The following MIPOL1 variants were observed in gnomAD, a reference collection of about 807,000 sequenced individuals.
MIPOL1 encodes mirror-image polydactyly 1, also known as mirror-image polydactyly gene 1 protein.
MIPOL1 carries 57 observed loss-of-function variants against 60.9 expected under a neutral mutation model. The observed-to-expected ratio is 0.94, with a 90% CI of 0.76 to 1.17. MIPOL1 has a LOEUF of 1.17. Ranked by LOEUF, MIPOL1 falls within the 50% of genes most tolerant of loss-of-function variation. MIPOL1 has a pLI of 0.00. For missense variants in MIPOL1, 551 were observed against 511.6 expected, an observed-to-expected ratio of 1.08 and a Z score of -0.74; for synonymous variants, 179 against 168.8, an observed-to-expected ratio of 1.06 and a Z score of -0.47.
intron 10 of MIPOL1, among the ~76,000 whole-genome samples, chr14:37,399,400 A>G (rs2153528440): frequency 6.6e-6 from 1 of 152,258 alleles, no homozygotes; most frequent in African/African-American, 2.4e-5. Context: ...TACAGTGTAC[A>G]GTATATTCTG....
intron 9 of MIPOL1, among the ~76,000 whole-genome samples, chr14:37,366,319 TTTGCTGTATCC>T (rs2092469536): frequency 6.6e-6 from 1 of 152,042 alleles, no homozygotes; most frequent in Non-Finnish European, 1.5e-5. Context: ...TAGTACTACT[TTTGCTGTATCC>T]TGTAGTCAAT....
intron 9 of MIPOL1, among the ~76,000 whole-genome samples, chr14:37,337,504 G>A (rs1223620454): frequency 6.7e-6 from 1 of 149,692 alleles, no homozygotes. Flanking sequence ...GAGTTGCTAG[G>A]ATTACAGGTG....
At chr14:37,214,252 A>T (rs1967200097) in intron 1 of MIPOL1, among the ~76,000 whole-genome samples, 1 of 152,226 alleles carries the variant, frequency 6.6e-6, no homozygotes, top group African/African-American at 2.4e-5. Flanking sequence ...CCAACAAAAA[A>T]GTAGTAACTT....
chr14:37,212,580 T>G (rs78378457), intron 1 of MIPOL1, among the ~76,000 whole-genome samples: 1 of 152,026 alleles, frequency 6.6e-6, no homozygotes, highest in Non-Finnish European at 1.5e-5. Context: ...CTTGCCGCAT[T>G]TTTTACTCTA....
chr14:37,508,965 C>A (rs1307558520), intron 12 of MIPOL1, among the ~76,000 whole-genome samples: 2 of 152,036 alleles, frequency 1.3e-5, no homozygotes, highest in Non-Finnish European at 2.9e-5. Context: ...GATTCTGTAG[C>A]ACCATTTTTT....
intron 10 of MIPOL1, among the ~76,000 whole-genome samples, chr14:37,394,057 C>CATATATAT (rs56361320): frequency 0.045 from 3,269 of 73,066 alleles, 261 homozygotes; most frequent in East Asian, 0.097. Context: ...TTAGTAGTGG[C>CATATATAT]ATATATATAT....
chr14:37,420,807 A>G (rs1379405910), intron 10 of MIPOL1, among the ~76,000 whole-genome samples: 1 of 152,170 alleles, frequency 6.6e-6, no homozygotes. Context: ...CCTGGATCTT[A>G]TACCCGAGGT....
At chr14:37,413,444 C>T (rs943204599) in intron 10 of MIPOL1, among the ~76,000 whole-genome samples, 2 of 152,160 alleles carry the variant, frequency 1.3e-5, no homozygotes, top group African/African-American at 2.4e-5. Flanking sequence ...TTTAATCTTT[C>T]CTACACTCCC....
intron 7 of MIPOL1, among the ~76,000 whole-genome samples, chr14:37,292,212 G>A (rs1054459627): frequency 1.3e-5 from 2 of 151,630 alleles, no homozygotes; most frequent in South Asian, 2.1e-4. Context: ...GGTGTGAAGC[G>A]AAGCCACCAC....
intron 9 of MIPOL1, among the ~76,000 whole-genome samples, chr14:37,337,121 GCTTCTTAAATGGTTT>G: frequency 6.6e-6 from 1 of 151,444 alleles, no homozygotes; most frequent in South Asian, 2.1e-4. Context: ...GGTTGCTGTG[GCTTCTTAAATGGTTT>G]CTAGAATTCC....
At chr14:37,461,749 C>A (rs1024632860) in intron 11 of MIPOL1, among the ~76,000 whole-genome samples, 1 of 152,190 alleles carries the variant, frequency 6.6e-6, no homozygotes, top group Non-Finnish European at 1.5e-5. Context: ...GAGGCAGTCA[C>A]ATCTTAAAGC....
In MIPOL1 at chr14:37,434,010, T is replaced by G. The variant is rs145553029; in HGVS notation, c.1031+11061T>G. Among the ~76,000 whole-genome samples, 206 of 152,358 alleles carry G rather than the reference T, an allele frequency of 1.4e-3. 4 individuals are homozygous for G. Among genetic ancestry groups the G allele is most frequent in the African/African-American group, 4.7e-3 (195 of 41,580 alleles). On this transcript the variant is annotated intron_variant, in intron 11 of 12. Transcript: ENST00000684589. ...ATAAACATACGTGTGCATGTGTCTT[T>G]ATCATAAAATGATTTATAATCCTTT...
chr14:37,298,376 A>C (rs1404083339), intron 7 of MIPOL1, among the ~76,000 whole-genome samples: 2 of 152,216 alleles, frequency 1.3e-5, no homozygotes, highest in Non-Finnish European at 2.9e-5. Context: ...AATACCATTC[A>C]GGACATTGGC....
intron 1 of MIPOL1, among the ~76,000 whole-genome samples, chr14:37,239,290 C>A (rs2153341031): frequency 6.6e-6 from 1 of 152,138 alleles, no homozygotes; most frequent in South Asian, 2.1e-4. Flanking sequence ...TGTGATCCAC[C>A]CACCTCAGCC....
At chr14:37,534,866 C>A (rs2095498855) in intron 12 of MIPOL1, among the ~76,000 whole-genome samples, 1 of 152,116 alleles carries the variant, frequency 6.6e-6, no homozygotes, top group Non-Finnish European at 1.5e-5. Context: ...ATCTAACTTA[C>A]AAAGCCTTAA....
At chr14:37,374,367 G>A (rs1414334421) in intron 10 of MIPOL1, among the ~76,000 whole-genome samples, 6 of 152,016 alleles carry the variant, frequency 3.9e-5, no homozygotes, top group Admixed American at 2.0e-4. Flanking sequence ...TTCTTTTGCC[G>A]TGCAGAAGCT....
intron 10 of MIPOL1, among the ~76,000 whole-genome samples, chr14:37,390,791 A>G (rs1268890879): frequency 6.6e-6 from 1 of 151,974 alleles, no homozygotes; most frequent in African/African-American, 2.4e-5. Flanking sequence ...ATGAAACTCA[A>G]AACAGTACAA....
intron 9 of MIPOL1, among the ~76,000 whole-genome samples, chr14:37,315,204 T>C (rs923688109): frequency 6.6e-6 from 1 of 152,158 alleles, no homozygotes; most frequent in Non-Finnish European, 1.5e-5. Context: ...TGCAGAGAGC[T>C]ATGGAAAGAG....
At chr14:37,403,432 CTT>C (rs11415779) in intron 10 of MIPOL1, among the ~76,000 whole-genome samples, 5 of 94,128 alleles carry the variant, frequency 5.3e-5, no homozygotes, top group African/African-American at 2.1e-4. Flanking sequence ...AGGTTTCTAG[CTT>C]TTTTTTTTTT....
Sources: allele counts gnomAD v4.1 joint callset (sites outside exome capture counted in the v4.1 genomes callset), GRCh38; gene constraint gnomAD v4.1.1; transcripts MANE v1.5; gene names NCBI Gene and HGNC (gene_info 2026-07-23, HGNC 2026-07-21).